The following TMEM232 variants were observed in gnomAD, a reference collection of about 807,000 sequenced individuals.
The protein encoded by TMEM232 is transmembrane protein 232.
In TMEM232, 80 loss-of-function variants were observed where a neutral mutation model predicts 78.8. The observed-to-expected ratio is 1.01, with a 90% CI of 0.85 to 1.22. TMEM232 has a LOEUF of 1.22. Ranked by LOEUF, TMEM232 falls within the 50% of genes most tolerant of loss-of-function variation. The pLI, the probability that TMEM232 is intolerant of heterozygous loss-of-function variation, is 0.00. For synonymous variants in TMEM232, 297 were observed against 254.3 expected (o/e 1.17, Z -1.60); for missense variants, 881 against 742.2 (o/e 1.19, Z -2.17).
At chr5:110,455,731 A>G (rs936893912) in intron 12 of TMEM232, among the ~76,000 whole-genome samples, 8 of 152,190 alleles carry the variant, frequency 5.3e-5, no homozygotes, top group African/African-American at 1.9e-4. Context: ...CTACTAATAT[A>G]TTAACACAAA....
intron 3 of TMEM232, 47 bp from the exon 4 acceptor site, chr5:110,641,043 TTA>T (rs767854921): frequency 1.4e-5 from 16 of 1,176,578 alleles, no homozygotes; most frequent in South Asian, 3.6e-5. Context: ...GTACATATTT[TTA>T]TATATATATT....
At chr5:110,603,304 A>T (rs1416277532) in intron 10 of TMEM232, among the ~76,000 whole-genome samples, 2 of 152,172 alleles carry the variant, frequency 1.3e-5, no homozygotes, top group Non-Finnish European at 2.9e-5. Context: ...ATAATAATAC[A>T]TAAATTTAAA....
intron 1 of TMEM232, among the ~76,000 whole-genome samples, chr5:110,676,895 A>C (rs1448962217): frequency 1.3e-5 from 2 of 151,966 alleles, no homozygotes; most frequent in African/African-American, 4.8e-5. Context: ...AGTAGCTGGG[A>C]TTACAGGCAC....
intron 1 of TMEM232, among the ~76,000 whole-genome samples, chr5:110,694,185 T>C (rs1158871807): frequency 1.3e-5 from 2 of 152,168 alleles, no homozygotes; most frequent in African/African-American, 4.8e-5. Context: ...CAACCCAGAA[T>C]TTCCTATCCA....
At chr5:110,690,789 C>A (rs749945653) in intron 1 of TMEM232, among the ~76,000 whole-genome samples, 1 of 152,118 alleles carries the variant, frequency 6.6e-6, no homozygotes, top group African/African-American at 2.4e-5. Context: ...GAATACTATG[C>A]AGCCATTAAA....
intron 11 of TMEM232, among the ~76,000 whole-genome samples, chr5:110,529,099 T>C (rs550390352): frequency 6.6e-6 from 1 of 152,296 alleles, no homozygotes; most frequent in African/African-American, 2.4e-5. Flanking sequence ...TATTTTAAAT[T>C]TGATATACGT....
intron 1 of TMEM232, among the ~76,000 whole-genome samples, chr5:110,719,217 G>GTGTATATATT (rs1380725644): frequency 1.2e-4 from 18 of 151,344 alleles, no homozygotes; most frequent in Non-Finnish European, 2.2e-4. Flanking sequence ...GTGTATATAT[G>GTGTATATATT]TATATATGTG....
At chr5:110,526,025 CAAAAAAAA>C (rs758110596) in intron 12 of TMEM232, among the ~76,000 whole-genome samples, 11 of 47,808 alleles carry the variant, frequency 2.3e-4, no homozygotes, top group African/African-American at 9.3e-4. Context: ...CACCATACAC[CAAAAAAAA>C]AAAAAAAAAA....
upstream of TMEM232, among the ~76,000 whole-genome samples, chr5:110,727,850 G>A (rs114878390): frequency 0.012 from 1,846 of 152,216 alleles, 45 homozygotes; most frequent in African/African-American, 0.042. Flanking sequence ...AAGTGAAATT[G>A]ACAAAGACTA....
intron 12 of TMEM232, among the ~76,000 whole-genome samples, chr5:110,474,337 C>A (rs1013019627): frequency 6.6e-6 from 1 of 151,750 alleles, no homozygotes; most frequent in Non-Finnish European, 1.5e-5. Flanking sequence ...TACTTCTTAA[C>A]CTGGTAAAGA....
chr5:110,715,444 A>G (rs1460328346), intron 1 of TMEM232, among the ~76,000 whole-genome samples: 2 of 152,200 alleles, frequency 1.3e-5, no homozygotes, highest in African/African-American at 4.8e-5. Flanking sequence ...TAAACAAGAC[A>G]GAATTGGTCA....
At chr5:110,621,411 A>C (rs1334523018) in intron 7 of TMEM232, among the ~76,000 whole-genome samples, 3 of 152,142 alleles carry the variant, frequency 2.0e-5, no homozygotes, top group African/African-American at 7.2e-5. Flanking sequence ...TAGAGCACAA[A>C]AAATGAAAAA....
intron 12 of TMEM232, among the ~76,000 whole-genome samples, chr5:110,495,339 G>T (rs1197077768): frequency 6.6e-6 from 1 of 151,666 alleles, no homozygotes; most frequent in Non-Finnish European, 1.5e-5. Context: ...ACACTTCCAG[G>T]GTGTCTGATT....
intron 1 of TMEM232, among the ~76,000 whole-genome samples, chr5:110,700,827 T>TAGATAGAC (rs1554081853): frequency 6.6e-6 from 1 of 150,902 alleles, no homozygotes; most frequent in Non-Finnish European, 1.5e-5. Context: ...GATAGATAGA[T>TAGATAGAC]ATAATAGAGA....
chr5:110,554,661 G>A (rs1415443552), intron 11 of TMEM232, among the ~76,000 whole-genome samples: 2 of 152,044 alleles, frequency 1.3e-5, no homozygotes, highest in Non-Finnish European at 2.9e-5. Flanking sequence ...AATGATGCTG[G>A]CCTCATTCTA....
intron 4 of TMEM232, among the ~76,000 whole-genome samples, chr5:110,388,913 A>AG (rs1183865838): frequency 6.6e-6 from 1 of 152,166 alleles, no homozygotes; most frequent in Non-Finnish European, 1.5e-5. Flanking sequence ...TGTGAGTTAG[A>AG]GGATGGTGCA....
At chr5:110,635,728 G>T (rs1471412796) in intron 5 of TMEM232, among the ~76,000 whole-genome samples, 3 of 151,602 alleles carry the variant, frequency 2.0e-5, no homozygotes, top group African/African-American at 7.3e-5. Flanking sequence ...ACTCCAGTTA[G>T]AATGGCTATT....
intron 2 of TMEM232, among the ~76,000 whole-genome samples, chr5:110,648,695 A>AAACC (rs1211171582): frequency 8.5e-5 from 13 of 152,130 alleles, no homozygotes; most frequent in Non-Finnish European, 1.6e-4. Context: ...ACAAACAAAC[A>AAACC]AACAAAACTC....
At chr5:110,442,390 G>C (rs902362239) in intron 12 of TMEM232, among the ~76,000 whole-genome samples, 1 of 151,356 alleles carries the variant, frequency 6.6e-6, no homozygotes, top group African/African-American at 2.4e-5. Context: ...TCTTCTGCTT[G>C]ATCAGTTCTG....
Sources: gnomAD v4.1 joint callset for allele counts (sites outside exome capture counted in the v4.1 genomes callset) on GRCh38, gnomAD v4.1.1 for gene constraint, MANE v1.5 for transcripts, NCBI Gene and HGNC (gene_info 2026-07-23, HGNC 2026-07-21) for gene names.